The following PPFIA2 variants were observed in gnomAD, a reference collection of about 807,000 sequenced individuals.
PPFIA2 encodes liprin-alpha-2.
PPFIA2 carries 46 observed loss-of-function variants against 175.5 expected under a neutral mutation model. The ratio of observed to expected loss-of-function variants is 0.26; its 90% CI spans 0.21 to 0.34. PPFIA2 has a LOEUF of 0.34. PPFIA2 is among the 10% of genes least tolerant of loss of function. PPFIA2 has a pLI of 1.00. For missense variants in PPFIA2, 1,179 were observed against 1,506.1 expected (o/e 0.78, Z 3.60); for synonymous variants, 568 against 511.4 (o/e 1.11, Z -1.49).
At chr12:81,309,044 T>C (rs559462652) in intron 22 of PPFIA2, among the ~76,000 whole-genome samples, 1 of 152,190 alleles carries the variant, frequency 6.6e-6, no homozygotes, top group Non-Finnish European at 1.5e-5. Context: ...CAATGCAATA[T>C]ACTTAATTTT....
chr12:81,641,669 C>G (rs1005019316), intron 4 of PPFIA2, among the ~76,000 whole-genome samples: 1 of 152,138 alleles, frequency 6.6e-6, no homozygotes, highest in Non-Finnish European at 1.5e-5. Flanking sequence ...GTTCCTTGAT[C>G]TGACAACTGA....
intron 26 of PPFIA2, chr12:81,282,564 G>A (rs2042310104): frequency 6.6e-6 from 1 of 152,606 alleles, no homozygotes; most frequent in African/African-American, 2.4e-5. Context: ...ATAAATGCTA[G>A]TGACTCTGTG....
intron 7 of PPFIA2, among the ~76,000 whole-genome samples, chr12:81,431,967 A>G (rs1176653283): frequency 6.6e-6 from 1 of 152,134 alleles, no homozygotes; most frequent in Non-Finnish European, 1.5e-5. Context: ...TCACTTTTGT[A>G]GCACCATCTG....
chr12:81,752,058 T>G (rs1237240689), intron 3 of PPFIA2, among the ~76,000 whole-genome samples: 1 of 152,152 alleles, frequency 6.6e-6, no homozygotes, highest in East Asian at 1.9e-4. Flanking sequence ...CAGTCTTACA[T>G]GTAGGATCAG....
chr12:81,359,406 C>T (rs566657690), intron 15 of PPFIA2, among the ~76,000 whole-genome samples: 5 of 151,286 alleles, frequency 3.3e-5, no homozygotes, highest in Non-Finnish European at 7.4e-5. Flanking sequence ...GTATTTGAGA[C>T]TTAATCAAGT....
intron 21 of PPFIA2, 21 bp from the exon 22 acceptor site, chr12:81,325,891 G>A: frequency 2.0e-6 from 3 of 1,538,338 alleles, no homozygotes; most frequent in Non-Finnish European, 9.0e-7. Flanking sequence ...AAGTAACTAA[G>A]TATTCAGATT....
chr12:81,623,230 C>T (rs778987457), intron 4 of PPFIA2, among the ~76,000 whole-genome samples: 1 of 152,102 alleles, frequency 6.6e-6, no homozygotes, highest in South Asian at 2.1e-4. Context: ...TAATCTTGTA[C>T]GGTCCCTCAA....
intron 4 of PPFIA2, among the ~76,000 whole-genome samples, chr12:81,595,478 T>C (rs1036442406): frequency 1.3e-5 from 2 of 152,062 alleles, no homozygotes; most frequent in Admixed American, 6.6e-5. Context: ...ACAGTGCAAA[T>C]TGAGTGCTGG....
rs1291683974 is a variant in PPFIA2, at chr12:81,642,769, T to TTATATACATAC, written c.303+34021_303+34022insGTATGTATATA. 6.3e-5 allele frequency among the ~76,000 whole-genome samples: 2 copies of TTATATACATAC among 31,606 alleles called. 1 individual carries two copies. The highest frequency in any genetic ancestry group is 1.2e-4 in the Non-Finnish European group (2 of 17,236). 20.7% of individuals were successfully genotyped at this position (31,606 alleles called of 152,430 possible). On this transcript the variant is annotated intron_variant, in intron 4 of 32. Transcript: ENST00000549396. ...TGTATTATATACATACATGTATATGTATGTATGTATTATATACATACATGT... is the reference window on the plus strand; with the variant it reads ...TGTATTATATACATACATGTATATGTTATATACATACATGTATGTATTATATACATACATGT...
At chr12:81,549,813 G>A (rs1197435832) in intron 4 of PPFIA2, among the ~76,000 whole-genome samples, 1 of 151,704 alleles carries the variant, frequency 6.6e-6, no homozygotes, top group Non-Finnish European at 1.5e-5. Flanking sequence ...TTGCTGTCTG[G>A]CTGGTCATTT....
chr12:81,746,161 T>G (rs190026912), intron 3 of PPFIA2, among the ~76,000 whole-genome samples: 1 of 144,524 alleles, frequency 6.9e-6, no homozygotes, highest in Non-Finnish European at 1.6e-5. Context: ...TTAAATAAAA[T>G]ACTGAATGGC....
Position 81,347,860 on chromosome 12 carries a change from A to G in PPFIA2, c.1995-90T>C, listed in dbSNP as rs2059329883. ...AAGGATCATTGGAATTCACATAATA[A>G]ATCAGTAGAAACTATTCTTGAACAT... On this transcript the variant is annotated intron_variant, in intron 17 of 32. Coordinates refer to ENST00000549396, the MANE Select transcript of PPFIA2 (RefSeq NM_003625.5). 3 of 1,492,692 alleles carry G rather than the reference A, an allele frequency of 2.0e-6. No individual in the cohort carries two copies. In the East Asian group the frequency reaches 7.3e-5, roughly 36 times the overall value. 92.5% of individuals were successfully genotyped at this position (1,492,692 alleles called of 1,614,324 possible).
At chr12:81,364,792 T>C (rs1157497664) in intron 14 of PPFIA2, among the ~76,000 whole-genome samples, 1 of 151,812 alleles carries the variant, frequency 6.6e-6, no homozygotes, top group Non-Finnish European at 1.5e-5. Flanking sequence ...GGATTTGATA[T>C]TGGACTAGAT....
chr12:81,664,736 A>ATGCATGTTTT (rs2069758311), intron 4 of PPFIA2, among the ~76,000 whole-genome samples: 1 of 152,148 alleles, frequency 6.6e-6, no homozygotes, highest in African/African-American at 2.4e-5. Context: ...ACACATGCAC[A>ATGCATGTTTT]TGCATGTTTA....
intron 22 of PPFIA2, among the ~76,000 whole-genome samples, chr12:81,307,959 T>C (rs1359772643): frequency 1.7e-5 from 1 of 58,278 alleles, no homozygotes; most frequent in Non-Finnish European, 4.1e-5. Context: ...ACAGAACTCA[T>C]GCTTTATTTT....
chr12:81,358,134 A>T lies in PPFIA2; in HGVS notation c.1721T>A (p.Val574Glu), dbSNP rs1055280424. 6.2e-7 allele frequency: 1 copy of T among 1,602,272 alleles called. No individual in the cohort carries two copies. The highest frequency in any genetic ancestry group is 1.7e-5 in the Admixed American group (1 of 58,888). The change falls in exon 16 of 33, where the codon GTA (valine) becomes GAA (glutamate). Residue 574 changes from valine (V) to glutamate (E), a missense_variant. Physicochemically the swap from Val to Glu is moderately radical, Grantham distance 121 (BLOSUM62 -2). Coordinates refer to ENST00000549396, the MANE Select transcript of PPFIA2 (RefSeq NM_003625.5). ...DSQSDYRTTK[V>E]IRRPRRGRMG... ...GCGGCCTCTCCTTGGTCTTCTTATT[A>T]CTTTAGTTGTTCTGTAATCAGACTG...
intron 13 of PPFIA2, 105 bp from the exon 14 acceptor site, chr12:81,367,275 C>T: frequency 1.3e-6 from 1 of 785,358 alleles, no homozygotes; most frequent in Non-Finnish European, 1.7e-6. Context: ...AGATTCCTTC[C>T]TTAGTTCAGG....
chr12:81,676,899 C>G, intron 3 of PPFIA2, 55 bp from the exon 4 acceptor site: 1 of 1,245,910 alleles, frequency 8.0e-7, no homozygotes, highest in East Asian at 2.7e-5. Context: ...ATGAAGAATC[C>G]CCCAGTCCCA....
At chr12:81,486,656 T>C (rs1028284243) in intron 4 of PPFIA2, among the ~76,000 whole-genome samples, 10 of 151,860 alleles carry the variant, frequency 6.6e-5, no homozygotes, top group African/African-American at 2.4e-4. Flanking sequence ...CTAAAACTAA[T>C]AAGTATGCCA....
Sources: allele counts gnomAD v4.1 joint callset (sites outside exome capture counted in the v4.1 genomes callset), GRCh38; gene constraint gnomAD v4.1.1; transcripts MANE v1.5; gene names NCBI Gene and HGNC (gene_info 2026-07-23, HGNC 2026-07-21).